The following PSMA8 variants were observed in gnomAD, a reference collection of about 807,000 sequenced individuals.
PSMA8 encodes the protein proteasome subunit alpha-type 8.
Under a neutral mutation model 32.4 loss-of-function variants are expected in PSMA8, and 18 were observed. The observed-to-expected ratio is 0.56, with a 90% CI of 0.38 to 0.82. The LOEUF is 0.82. PSMA8 is among the 40% of genes least tolerant of loss of function. The pLI, the probability that PSMA8 is intolerant of heterozygous loss-of-function variation, is 0.00. For synonymous variants in PSMA8, 104 were observed against 98.1 expected, an observed-to-expected ratio of 1.06 and a Z score of -0.36; for missense variants, 298 against 300.7, an observed-to-expected ratio of 0.99 and a Z score of 0.07.
chr18:26,173,444 T>G (rs1334757953), intron 4 of PSMA8, among the ~76,000 whole-genome samples: 4 of 152,206 alleles, frequency 2.6e-5, no homozygotes, highest in Non-Finnish European at 5.9e-5. Flanking sequence ...TGGCTTTACT[T>G]CTCTCATAAC....
intron 4 of PSMA8, among the ~76,000 whole-genome samples, chr18:26,177,494 C>G (rs2055273246): frequency 6.6e-6 from 1 of 152,142 alleles, no homozygotes; most frequent in Non-Finnish European, 1.5e-5. Context: ...TGTAAAATGC[C>G]TAACCTAGTG....
intron 4 of PSMA8, among the ~76,000 whole-genome samples, chr18:26,161,784 GGA>G (rs2055137875): frequency 6.6e-6 from 1 of 152,146 alleles, no homozygotes; most frequent in Non-Finnish European, 1.5e-5. Flanking sequence ...TCCATAGGTG[GGA>G]GAGCTGACAG....
At chr18:26,138,907 G>A (rs2054933101) in intron 1 of PSMA8, among the ~76,000 whole-genome samples, 2 of 152,208 alleles carry the variant, frequency 1.3e-5, no homozygotes, top group Admixed American at 6.5e-5. Flanking sequence ...AAATGGTACT[G>A]CCATTTACTT....
intron 6 of PSMA8, among the ~76,000 whole-genome samples, chr18:26,184,998 GA>G (rs2055341592): frequency 6.9e-6 from 1 of 144,818 alleles, no homozygotes; most frequent in Non-Finnish European, 1.5e-5. Flanking sequence ...TGAGGCAGGA[GA>G]ATCGCTTGAA....
At chr18:26,148,280 G>A (rs1298463119) in intron 2 of PSMA8, among the ~76,000 whole-genome samples, 1 of 151,950 alleles carries the variant, frequency 6.6e-6, no homozygotes, top group Admixed American at 6.6e-5. Context: ...CAAACTAGTA[G>A]CAAACCAAAT....
At position 26,167,844 on chromosome 18, in the gene PSMA8, TA is replaced by T. The variant is rs1262091872; in HGVS notation, c.477+9601del. 5.3e-4 allele frequency among the ~76,000 whole-genome samples: 65 copies of T among 122,192 alleles called. 2 individuals are homozygous for T. Among genetic ancestry groups the T allele is most frequent in the Non-Finnish European group, 8.2e-4 (53 of 64,582 alleles). The allele number at this position is 122,192 out of a possible 152,430, so 80.2% of individuals were successfully genotyped here. ...GTGGTTTATGCCACCTGGTCTGTGG[TA>T]TTTTTTTTTTTTTTTTTTATTAACA... is the stretch of plus-strand genomic sequence containing the variant. On this transcript the variant is annotated intron_variant, in intron 4 of 6. Transcript: ENST00000415576.
chr18:26,183,390 T>TA (rs1169206394), intron 6 of PSMA8, among the ~76,000 whole-genome samples: 1,916 of 141,982 alleles, frequency 0.013, 116 homozygotes, highest in African/African-American at 0.046. Context: ...AGACTCCGTC[T>TA]AAAAAAAAAA....
intron 3 of PSMA8, among the ~76,000 whole-genome samples, chr18:26,152,897 G>T (rs541343104): frequency 6.6e-6 from 1 of 152,172 alleles, no homozygotes; most frequent in African/African-American, 2.4e-5. Flanking sequence ...TGGCATGAAA[G>T]CCCTGGCTAG....
intron 6 of PSMA8, among the ~76,000 whole-genome samples, chr18:26,181,474 A>G (rs575322254): frequency 3.9e-5 from 6 of 152,262 alleles, no homozygotes; most frequent in Non-Finnish European, 8.8e-5. Context: ...CTAAGTGTTC[A>G]AGTGAAAGGA....
chr18:26,167,038 T>A (rs1442959698), intron 4 of PSMA8, among the ~76,000 whole-genome samples: 1 of 152,134 alleles, frequency 6.6e-6, no homozygotes, highest in Non-Finnish European at 1.5e-5. Flanking sequence ...AAATACCTAT[T>A]CAAAGCAAAC....
chr18:26,134,451 G>T (rs1227150629), intron 1 of PSMA8, among the ~76,000 whole-genome samples: 1 of 151,746 alleles, frequency 6.6e-6, no homozygotes, highest in Non-Finnish European at 1.5e-5. Context: ...CCTACCTATT[G>T]AACGCTCGTG....
At chr18:26,175,322 G>T (rs1428840732) in intron 4 of PSMA8, among the ~76,000 whole-genome samples, 1 of 152,158 alleles carries the variant, frequency 6.6e-6, no homozygotes, top group Non-Finnish European at 1.5e-5. Context: ...AGTGCCATTG[G>T]TATCAGCATT....
intron 6 of PSMA8, among the ~76,000 whole-genome samples, chr18:26,181,558 A>C (rs2055311568): frequency 6.6e-6 from 1 of 152,254 alleles, no homozygotes; most frequent in African/African-American, 2.4e-5. Context: ...AAGGCAGTCA[A>C]AAGCCAAGAC....
intron 4 of PSMA8, among the ~76,000 whole-genome samples, chr18:26,163,240 TATATATATATA>T (rs1438881689): frequency 7.7e-6 from 1 of 130,190 alleles, no homozygotes; most frequent in African/African-American, 3.2e-5. Context: ...TATATATATA[TATATATATATA>T]TATATATATA....
chr18:26,139,933 CTTGT>C lies in PSMA8; in HGVS notation c.103-4623_103-4620del, dbSNP rs2054941460. On this transcript the variant is annotated intron_variant, in intron 1 of 6. Coordinates refer to ENST00000415576, the MANE Select transcript of PSMA8 (RefSeq NM_001025096.2). ...TTCGCATAGTGTTTTCCTGATCTCG[CTTGT>C]TTATCTCTGTACTCTTGTAGCTTAC... 5 of 616,150 alleles carry C rather than the reference CTTGT, an allele frequency of 8.1e-6. 1 individual carries two copies. Among genetic ancestry groups the C allele is most frequent in the Middle Eastern group, 5.2e-4 (2 of 3,864 alleles). The allele number at this position is 616,150 out of a possible 1,614,324, so 38.2% of individuals were successfully genotyped here. A position where few individuals can be genotyped will look rare whatever the true frequency, so the allele number is the denominator to read the frequency against.
chr18:26,174,169 G>A (rs192604342), intron 4 of PSMA8, among the ~76,000 whole-genome samples: 66 of 152,132 alleles, frequency 4.3e-4, no homozygotes, highest in South Asian at 2.1e-3. Context: ...TATAGCATTC[G>A]GATCATGAAA....
intron 1 of PSMA8, among the ~76,000 whole-genome samples, chr18:26,142,454 C>G (rs951706010): frequency 6.6e-6 from 1 of 152,058 alleles, no homozygotes; most frequent in Non-Finnish European, 1.5e-5. Flanking sequence ...CTAAACTTTC[C>G]TCTAAAAAAG....
At position 26,134,340 on chromosome 18, in the gene PSMA8, G is replaced by GTGTGTGTGTGT. The variant is rs2054891597; in HGVS notation, c.102+273_102+274insTGTGTGTGTGT. ...GACGCAAAACTAGGGTGTGTGTGTG[G>GTGTGTGTGTGT]GTGTGTGTGTGTGTGTGTGTGTGTC... On this transcript the variant is annotated intron_variant, in intron 1 of 6. Transcript: ENST00000415576. Among the ~76,000 whole-genome samples the GTGTGTGTGTGT allele has an allele frequency of 5.0e-4, 68 of 135,200 alleles. 1 individual carries two copies. The highest frequency in any genetic ancestry group is 2.2e-3 in the African/African-American group (67 of 30,158). The allele number at this position is 135,200 out of a possible 152,430, so 88.7% of individuals were successfully genotyped here. A position where few individuals can be genotyped will look rare whatever the true frequency, so the allele number is the denominator to read the frequency against.
At chr18:26,145,476 C>G (rs1308473697) in intron 2 of PSMA8, among the ~76,000 whole-genome samples, 1 of 152,182 alleles carries the variant, frequency 6.6e-6, no homozygotes, top group Non-Finnish European at 1.5e-5. Context: ...CATCACCACA[C>G]TCAAGATACA....
Sources: gnomAD v4.1 joint callset for allele counts (sites outside exome capture counted in the v4.1 genomes callset) on GRCh38, gnomAD v4.1.1 for gene constraint, MANE v1.5 for transcripts, NCBI Gene and HGNC (gene_info 2026-07-23, HGNC 2026-07-21) for gene names.